Variants in DLG2 observed in about 807,000 individuals in gnomAD.
DLG2 encodes the protein discs large MAGUK scaffold protein 2, also known as disks large homolog 2.
DLG2 carries 45 observed loss-of-function variants against 132.5 expected under a neutral mutation model. That is an observed-to-expected ratio of 0.34 (90% CI 0.27 to 0.44). The LOEUF (loss-of-function observed/expected upper bound fraction) is 0.44. Among genes scored for constraint, DLG2 ranks in the 20% least tolerant of loss-of-function variants. The pLI, the probability that DLG2 is intolerant of heterozygous loss-of-function variation, is 1.00. For synonymous variants in DLG2, 424 were observed against 419.6 expected (o/e 1.01, Z -0.13); for missense variants, 1,045 against 1,196.9 (o/e 0.87, Z 1.87).
chr11:85,020,815 T>C, intron 6 of DLG2: 1 of 734,506 alleles, frequency 1.4e-6, no homozygotes, highest in Non-Finnish European at 2.5e-6. Context: ...TTTTTCATCA[T>C]CCTTGATCAG....
At chr11:84,717,987 T>C (rs1043322485) in intron 6 of DLG2, among the ~76,000 whole-genome samples, 10 of 152,036 alleles carry the variant, frequency 6.6e-5, no homozygotes, top group Non-Finnish European at 1.5e-4. Flanking sequence ...GTCTGTGAGG[T>C]AAATTTTGCA....
At position 84,745,011 on chromosome 11, in the gene DLG2, A is replaced by G. The variant is rs193189504; in HGVS notation, c.358-210280T>C. Among the ~76,000 whole-genome samples, 91 of 151,746 alleles carry G rather than the reference A, an allele frequency of 6.0e-4. No individual in the cohort carries two copies. In the East Asian group the frequency reaches 0.016, roughly 27 times the overall value. ...AGATTTCTCGCACCAAGCACTGAAA[A>G]CTAGGAATAAAGGTGAAAAAAAAAA... On this transcript the variant is annotated intron_variant, in intron 6 of 27. Transcript: ENST00000376104.
chr11:84,521,817 C>T (rs1329904107), intron 7 of DLG2, among the ~76,000 whole-genome samples: 2 of 152,098 alleles, frequency 1.3e-5, no homozygotes, highest in Non-Finnish European at 2.9e-5. Flanking sequence ...GGTAATATGT[C>T]TTATAGTCCA....
chr11:84,058,471 C>T (rs57336945), intron 11 of DLG2, among the ~76,000 whole-genome samples: 3,958 of 149,150 alleles, frequency 0.027, 155 homozygotes, highest in African/African-American at 0.091. Flanking sequence ...GCCTGGGCAA[C>T]AAAGCAAGGG....
At chr11:84,753,678 G>C (rs558286003) in intron 6 of DLG2, among the ~76,000 whole-genome samples, 11 of 152,304 alleles carry the variant, frequency 7.2e-5, no homozygotes, top group Non-Finnish European at 1.6e-4. Flanking sequence ...ATGGAATTTG[G>C]GAGTTATAAG....
At chr11:83,799,403 G>A (rs2043741926) in intron 17 of DLG2, among the ~76,000 whole-genome samples, 1 of 152,200 alleles carries the variant, frequency 6.6e-6, no homozygotes, top group Non-Finnish European at 1.5e-5. Flanking sequence ...ATTAAGTGAG[G>A]ACAGGGTAGG....
At chr11:84,605,517 C>T (rs1469322403) in intron 6 of DLG2, among the ~76,000 whole-genome samples, 9 of 151,002 alleles carry the variant, frequency 6.0e-5, no homozygotes, top group Non-Finnish European at 1.0e-4. Context: ...CATTCCATTG[C>T]TAACACTATT....
At chr11:83,548,569 C>T (rs1347760001) in intron 19 of DLG2, among the ~76,000 whole-genome samples, 1 of 152,120 alleles carries the variant, frequency 6.6e-6, no homozygotes, top group African/African-American at 2.4e-5. Flanking sequence ...TCAGCAACAA[C>T]AACAACAACA....
At chr11:83,973,401 T>G (rs1009691793) in intron 12 of DLG2, among the ~76,000 whole-genome samples, 10 of 152,240 alleles carry the variant, frequency 6.6e-5, no homozygotes, top group African/African-American at 2.2e-4. Flanking sequence ...TATTATAACT[T>G]ATTACATTTG....
chr11:84,017,755 G>T (rs1297626590), intron 11 of DLG2, among the ~76,000 whole-genome samples: 3 of 151,938 alleles, frequency 2.0e-5, no homozygotes, highest in Admixed American at 2.0e-4. Context: ...GAAGAACATT[G>T]AAAATAAAGC....
At chr11:83,976,274 C>A (rs1592190951) in intron 12 of DLG2, among the ~76,000 whole-genome samples, 1 of 151,836 alleles carries the variant, frequency 6.6e-6, no homozygotes, top group Non-Finnish European at 1.5e-5. Flanking sequence ...TTATTTTAGA[C>A]CAGTTTACTT....
At chr11:83,499,704 T>A (rs2138955746) in intron 21 of DLG2, among the ~76,000 whole-genome samples, 1 of 150,278 alleles carries the variant, frequency 6.7e-6, no homozygotes, top group African/African-American at 2.4e-5. Flanking sequence ...CTGGCTCTCC[T>A]TGCTCCTCAG....
chr11:85,380,954 C>T (rs779397793), intron 3 of DLG2, among the ~76,000 whole-genome samples: 1 of 152,078 alleles, frequency 6.6e-6, no homozygotes, highest in African/African-American at 2.4e-5. Flanking sequence ...TGAGTAGCAT[C>T]GGCTAAGAGT....
At chr11:84,160,107 G>T (rs950523574) in intron 9 of DLG2, among the ~76,000 whole-genome samples, 1 of 152,114 alleles carries the variant, frequency 6.6e-6, no homozygotes, top group African/African-American at 2.4e-5. Context: ...TTCTCATTCA[G>T]GGAGATGTCA....
chr11:83,657,297 CGAGT>C (rs1415189965), intron 18 of DLG2, among the ~76,000 whole-genome samples: 1 of 152,046 alleles, frequency 6.6e-6, no homozygotes, highest in Non-Finnish European at 1.5e-5. Flanking sequence ...TGAAAAATCA[CGAGT>C]GAGGCCTTAA....
intron 12 of DLG2, among the ~76,000 whole-genome samples, chr11:83,971,723 C>G (rs779846273): frequency 3.3e-5 from 5 of 152,068 alleles, no homozygotes; most frequent in Non-Finnish European, 5.9e-5. Context: ...AACAAAGTGG[C>G]TGATCATTAG....
At chr11:84,207,045 A>G (rs1020391590) in intron 8 of DLG2, among the ~76,000 whole-genome samples, 1 of 143,408 alleles carries the variant, frequency 7.0e-6, no homozygotes, top group Admixed American at 7.4e-5. Flanking sequence ...AAAATACAAG[A>G]TATATAAGAA....
chr11:84,387,480 G>A (rs1039674182), intron 7 of DLG2, among the ~76,000 whole-genome samples: 1 of 152,000 alleles, frequency 6.6e-6, no homozygotes, highest in African/African-American at 2.4e-5. Context: ...AGCCAACTAT[G>A]GTCAGTGTTC....
At chr11:85,227,128 CA>C (rs1387564251) in intron 4 of DLG2, among the ~76,000 whole-genome samples, 10 of 151,944 alleles carry the variant, frequency 6.6e-5, no homozygotes, top group Non-Finnish European at 1.3e-4. Flanking sequence ...TGAAATAAAA[CA>C]AAAATAGCAT....
Sources: gnomAD v4.1 joint callset for allele counts (sites outside exome capture counted in the v4.1 genomes callset) on GRCh38, gnomAD v4.1.1 for gene constraint, MANE v1.5 for transcripts, NCBI Gene and HGNC (gene_info 2026-07-23, HGNC 2026-07-21) for gene names.